Variants in NKAIN2 observed in about 807,000 individuals in gnomAD.
NKAIN2 encodes sodium/potassium transporting ATPase interacting 2.
Under a neutral mutation model 32.6 loss-of-function variants are expected in NKAIN2, and 14 were observed. The observed-to-expected ratio is 0.43, with a 90% CI of 0.28 to 0.67. The LOEUF is 0.67. NKAIN2 is among the 30% of genes least tolerant of loss of function. NKAIN2 has a pLI of 0.17. For synonymous variants in NKAIN2, 80 were observed against 87.2 expected (o/e 0.92, Z 0.46); for missense variants, 198 against 258.3 (o/e 0.77, Z 1.60).
chr6:123,806,994 A>G (rs1773243341), intron 1 of NKAIN2, among the ~76,000 whole-genome samples: 1 of 152,026 alleles, frequency 6.6e-6, no homozygotes, highest in South Asian at 2.1e-4. Flanking sequence ...TTATTAAGTT[A>G]TTATCAGACC....
chr6:124,585,781 A>G (rs2078443), intron 3 of NKAIN2, among the ~76,000 whole-genome samples: 71,763 of 152,028 alleles, frequency 0.47, 20,159 homozygotes, highest in Non-Finnish European at 0.6. Flanking sequence ...TTACTAAAGT[A>G]TAATTTACAT....
intron 1 of NKAIN2, among the ~76,000 whole-genome samples, chr6:123,973,240 T>A (rs921918307): frequency 5.9e-5 from 9 of 152,068 alleles, no homozygotes; most frequent in African/African-American, 2.2e-4. Context: ...GGCTTGCAGA[T>A]TAAACTATAC....
intron 3 of NKAIN2, among the ~76,000 whole-genome samples, chr6:124,502,166 A>G (rs1180479257): frequency 6.6e-6 from 1 of 152,138 alleles, no homozygotes. Flanking sequence ...AAAAATAAAG[A>G]TAACAATGTA....
intron 2 of NKAIN2, among the ~76,000 whole-genome samples, chr6:124,291,351 TC>T (rs1259312620): frequency 7.6e-6 from 1 of 131,616 alleles, no homozygotes; most frequent in African/African-American, 3.8e-5. Context: ...AATTGTGTAG[TC>T]TTTTTTTTAT....
intron 3 of NKAIN2, among the ~76,000 whole-genome samples, chr6:124,468,464 C>G (rs890006105): frequency 6.6e-6 from 1 of 152,090 alleles, no homozygotes; most frequent in Non-Finnish European, 1.5e-5. Context: ...TCCACAGGTA[C>G]AGTTCTCTAA....
chr6:124,783,947 A>G (rs1779389994), intron 4 of NKAIN2, among the ~76,000 whole-genome samples: 1 of 152,274 alleles, frequency 6.6e-6, no homozygotes, highest in East Asian at 1.9e-4. Context: ...CATACAACCA[A>G]TGTATTTGGA....
intron 3 of NKAIN2, among the ~76,000 whole-genome samples, chr6:124,569,594 T>TA (rs1197733250): frequency 6.6e-6 from 1 of 152,162 alleles, no homozygotes; most frequent in Non-Finnish European, 1.5e-5. Context: ...CTGATGGGTT[T>TA]ATCAGAGGTT....
intron 1 of NKAIN2, among the ~76,000 whole-genome samples, chr6:123,835,385 TA>T (rs972086218): frequency 2.0e-5 from 3 of 152,198 alleles, no homozygotes; most frequent in African/African-American, 4.8e-5. Flanking sequence ...TGTCATTTTT[TA>T]AAAAATAGGA....
intron 1 of NKAIN2, among the ~76,000 whole-genome samples, chr6:124,044,366 G>A (rs746249735): frequency 6.6e-6 from 1 of 151,958 alleles, no homozygotes; most frequent in Non-Finnish European, 1.5e-5. Context: ...CTTTGGGTTG[G>A]TGTTATTCTG....
At chr6:123,970,939 T>C (rs1778311143) in intron 1 of NKAIN2, among the ~76,000 whole-genome samples, 1 of 152,160 alleles carries the variant, frequency 6.6e-6, no homozygotes, top group African/African-American at 2.4e-5. Context: ...TATTTTGTAA[T>C]AAGGCATGCT....
chr6:124,048,221 T>C (rs1236286535), intron 1 of NKAIN2, among the ~76,000 whole-genome samples: 1 of 151,962 alleles, frequency 6.6e-6, no homozygotes. Context: ...ATGCAAATAA[T>C]ATTAAGCTAC....
At chr6:124,378,847 T>C (rs1332302048) in intron 3 of NKAIN2, among the ~76,000 whole-genome samples, 6 of 151,052 alleles carry the variant, frequency 4.0e-5, no homozygotes, top group Non-Finnish European at 8.8e-5. Flanking sequence ...CCCAGTACTT[T>C]GGGAGGCTAA....
intron 1 of NKAIN2, among the ~76,000 whole-genome samples, chr6:124,153,026 A>G (rs1787806981): frequency 6.6e-6 from 1 of 151,892 alleles, no homozygotes; most frequent in Non-Finnish European, 1.5e-5. Flanking sequence ...GATGGGGAGA[A>G]GTTTGTTAAT....
intron 5 of NKAIN2, among the ~76,000 whole-genome samples, chr6:124,806,573 G>C (rs1041708032): frequency 8.6e-5 from 13 of 151,830 alleles, no homozygotes; most frequent in Admixed American, 7.9e-4. Context: ...GGAAGAAACT[G>C]CATCAACTAA....
At chr6:124,585,271 A>G (rs756073994) in intron 3 of NKAIN2, among the ~76,000 whole-genome samples, 1 of 152,182 alleles carries the variant, frequency 6.6e-6, no homozygotes, top group Non-Finnish European at 1.5e-5. Flanking sequence ...AATTGCACTC[A>G]TGGGGATAGA....
chr6:124,581,284 A>G (rs1004685280), intron 3 of NKAIN2, among the ~76,000 whole-genome samples: 1 of 151,706 alleles, frequency 6.6e-6, no homozygotes, highest in Non-Finnish European at 1.5e-5. Context: ...CTAAAAATAC[A>G]AAAAATTAGC....
chr6:123,920,060 G>C (rs1217707011), intron 1 of NKAIN2, among the ~76,000 whole-genome samples: 1 of 152,000 alleles, frequency 6.6e-6, no homozygotes, highest in African/African-American at 2.4e-5. Flanking sequence ...TTAGTGTTCA[G>C]TTATTGATTT....
chr6:124,269,028 G>T (rs1794628229), intron 1 of NKAIN2, among the ~76,000 whole-genome samples: 1 of 152,186 alleles, frequency 6.6e-6, no homozygotes, highest in African/African-American at 2.4e-5. Context: ...TGCACAGATA[G>T]ATAGAAGAAG....
chr6:124,330,735 G>T (rs920218226), intron 2 of NKAIN2, among the ~76,000 whole-genome samples: 1 of 152,172 alleles, frequency 6.6e-6, no homozygotes, highest in Non-Finnish European at 1.5e-5. Context: ...GACTGGTACT[G>T]GTCTGTGGCT....
Sources: allele counts gnomAD v4.1 joint callset (sites outside exome capture counted in the v4.1 genomes callset), GRCh38; gene constraint gnomAD v4.1.1; transcripts MANE v1.5; gene names NCBI Gene and HGNC (gene_info 2026-07-23, HGNC 2026-07-21).